The following CCDC73 variants were observed in gnomAD, a reference collection of about 807,000 sequenced individuals.
The protein encoded by CCDC73 is coiled-coil domain-containing protein 73.
In CCDC73, 95 loss-of-function variants were observed where a neutral mutation model predicts 116.5. That is an observed-to-expected ratio of 0.82 (90% CI 0.69 to 0.97). The LOEUF is 0.97. CCDC73 is among the 50% of genes least tolerant of loss of function. The probability of loss-of-function intolerance (pLI) is 0.00; values close to 1 mark genes in which losing one functional copy is unlikely to be tolerated. For synonymous variants in CCDC73, 398 were observed against 401.3 expected (o/e 0.99, Z 0.10); for missense variants, 1,066 against 1,206.8 (o/e 0.88, Z 1.73).
At chr11:32,824,130 A>G in the CCDC73 span, among the ~76,000 whole-genome samples, 3 of 152,198 alleles carry the variant, frequency 2.0e-5, no homozygotes, top group East Asian at 5.8e-4. Context: ...CCTGACCTCA[A>G]GTAATCTGCC....
chr11:32,694,297 A>G (rs1038546800), intron 6 of CCDC73, among the ~76,000 whole-genome samples: 30 of 152,220 alleles, frequency 2.0e-4, no homozygotes, highest in African/African-American at 7.0e-4. Context: ...CCAAATCATG[A>G]GTGAACTCCC....
chr11:32,814,867 T>A, the CCDC73 span, among the ~76,000 whole-genome samples: 1 of 152,234 alleles, frequency 6.6e-6, no homozygotes, highest in African/African-American at 2.4e-5. Flanking sequence ...GAAGTACCGA[T>A]GCATGCTACA....
intron 7 of CCDC73, chr11:32,680,767 T>A (rs1395262861): frequency 6.6e-6 from 1 of 152,000 alleles, no homozygotes; most frequent in African/African-American, 2.4e-5. Context: ...GAGGAAAAGA[T>A]AACAATCAAA....
chr11:32,820,161 C>G, the CCDC73 span, among the ~76,000 whole-genome samples: 159 of 151,544 alleles, frequency 1.0e-3, no homozygotes, highest in African/African-American at 3.5e-3. Context: ...TGAACTGGAA[C>G]TTTTTTTTTG....
the CCDC73 span, among the ~76,000 whole-genome samples, chr11:32,799,991 C>A: frequency 2.6e-5 from 4 of 152,230 alleles, no homozygotes; most frequent in South Asian, 8.3e-4. Context: ...ACATAACATA[C>A]ATTTAATAAA....
intron 9 of CCDC73, among the ~76,000 whole-genome samples, chr11:32,665,674 G>T (rs1051414136): frequency 1.3e-5 from 2 of 152,096 alleles, no homozygotes; most frequent in Non-Finnish European, 2.9e-5. Context: ...GGTTAATATT[G>T]TTATGTGTCA....
intron 3 of CCDC73, among the ~76,000 whole-genome samples, chr11:32,711,353 C>T (rs762593286): frequency 1.3e-5 from 2 of 152,134 alleles, no homozygotes; most frequent in Non-Finnish European, 2.9e-5. Context: ...ATGTTTATAG[C>T]AGCACAATTT....
At chr11:32,604,738 T>C (rs1215442351) in intron 17 of CCDC73, 1 of 152,236 alleles carries the variant, frequency 6.6e-6, no homozygotes, top group Non-Finnish European at 1.5e-5. Context: ...TGTTCATAAA[T>C]CTTTGTGAAG....
At chr11:32,822,455 A>G in the CCDC73 span, among the ~76,000 whole-genome samples, 4 of 152,158 alleles carry the variant, frequency 2.6e-5, no homozygotes, top group African/African-American at 7.2e-5. Context: ...GCCTAATGCT[A>G]TCTAGGCCCT....
chr11:32,656,140 C>A (rs913453786), intron 9 of CCDC73, among the ~76,000 whole-genome samples: 4 of 151,406 alleles, frequency 2.6e-5, no homozygotes, highest in Non-Finnish European at 5.9e-5. Context: ...TGCAGTGGCA[C>A]GATCTCGGCT....
chr11:32,724,231 A>C (rs1328286784), intron 2 of CCDC73, among the ~76,000 whole-genome samples: 2 of 151,784 alleles, frequency 1.3e-5, no homozygotes, highest in Admixed American at 1.3e-4. Flanking sequence ...ACCACCCAAA[A>C]CTCCACTGAC....
intron 13 of CCDC73, among the ~76,000 whole-genome samples, chr11:32,636,048 C>T (rs1466566560): frequency 2.6e-5 from 4 of 152,004 alleles, no homozygotes; most frequent in African/African-American, 9.7e-5. Flanking sequence ...TATTATTATG[C>T]CCAATTTACA....
At chr11:32,759,718 G>T (rs1179410226) in intron 2 of CCDC73, among the ~76,000 whole-genome samples, 5 of 151,956 alleles carry the variant, frequency 3.3e-5, no homozygotes, top group Non-Finnish European at 4.4e-5. Context: ...ATCATATACT[G>T]CCTTGTTTCA....
At chr11:32,753,488 A>G (rs1408340769) in intron 2 of CCDC73, among the ~76,000 whole-genome samples, 3 of 151,230 alleles carry the variant, frequency 2.0e-5, no homozygotes, top group Non-Finnish European at 3.0e-5. Context: ...TTTTTGAGAC[A>G]GAGTCTCACT....
chr11:32,729,507 A>G (rs753293907), intron 2 of CCDC73, among the ~76,000 whole-genome samples: 3 of 152,192 alleles, frequency 2.0e-5, no homozygotes, highest in Non-Finnish European at 4.4e-5. Flanking sequence ...GTATTTTTAT[A>G]AAACAATGTT....
At chr11:32,654,078 C>A in intron 10 of CCDC73, 41 bp from the exon 11 acceptor site, 3 of 1,536,470 alleles carry the variant, frequency 2.0e-6, no homozygotes, top group South Asian at 2.4e-5. Context: ...ATATAAAATT[C>A]AGCAAATTCT....
At chr11:32,699,774 A>C (rs184632973) in intron 5 of CCDC73, among the ~76,000 whole-genome samples, 58 of 152,196 alleles carry the variant, frequency 3.8e-4, no homozygotes, top group African/African-American at 1.3e-3. Context: ...AGATATACCT[A>C]ATGTTAATGA....
At chr11:32,730,874 T>C (rs1850070544) in intron 2 of CCDC73, among the ~76,000 whole-genome samples, 1 of 152,204 alleles carries the variant, frequency 6.6e-6, no homozygotes, top group African/African-American at 2.4e-5. Flanking sequence ...GATTTCTGCA[T>C]TTCCAACTGA....
At chr11:32,629,695 G>A (rs1351399661) in intron 14 of CCDC73, among the ~76,000 whole-genome samples, 2 of 141,428 alleles carry the variant, frequency 1.4e-5, no homozygotes, top group Non-Finnish European at 3.0e-5. Context: ...GTGCCCAGCC[G>A]ATATAAAGAC....
Sources: allele counts gnomAD v4.1 joint callset (sites outside exome capture counted in the v4.1 genomes callset), GRCh38; gene constraint gnomAD v4.1.1; transcripts MANE v1.5; gene names NCBI Gene and HGNC (gene_info 2026-07-23, HGNC 2026-07-21).